The following PRICKLE2 variants were observed in gnomAD, a reference collection of about 807,000 sequenced individuals.
PRICKLE2 encodes prickle-like protein 2.
PRICKLE2 carries 21 observed loss-of-function variants against 81.4 expected under a neutral mutation model. The observed-to-expected ratio is 0.26, with a 90% CI of 0.18 to 0.37. The LOEUF (loss-of-function observed/expected upper bound fraction) is 0.37. PRICKLE2 is among the 10% of genes least tolerant of loss of function. The pLI is 1.00. For synonymous variants in PRICKLE2, 456 were observed against 421.5 expected, an observed-to-expected ratio of 1.08 and a Z score of -1.00; for missense variants, 940 against 1,109.0, an observed-to-expected ratio of 0.85 and a Z score of 2.16.
At chr3:64,210,189 C>T (rs1388754837) in intron 1 of PRICKLE2, among the ~76,000 whole-genome samples, 1 of 152,100 alleles carries the variant, frequency 6.6e-6, no homozygotes, top group Non-Finnish European at 1.5e-5. Flanking sequence ...TAACCCGTTT[C>T]TCCTTGGAAT....
chr3:64,189,185 A>G (rs1426296092), intron 2 of PRICKLE2, among the ~76,000 whole-genome samples: 1 of 152,242 alleles, frequency 6.6e-6, no homozygotes, highest in Admixed American at 6.5e-5. Flanking sequence ...AAGTACAGTA[A>G]AGCCAGGGTA....
intron 7 of PRICKLE2, chr3:64,141,744 G>GT (rs2077365834): frequency 1.1e-6 from 1 of 948,770 alleles, no homozygotes; most frequent in Non-Finnish European, 1.3e-6. Flanking sequence ...GCAGCTATCT[G>GT]TTTTTTCAGA....
At chr3:64,251,442 G>T (rs1220343772) in intron 2 of PRICKLE2, among the ~76,000 whole-genome samples, 1 of 152,180 alleles carries the variant, frequency 6.6e-6, no homozygotes, top group Non-Finnish European at 1.5e-5. Flanking sequence ...AGTGGGACAG[G>T]GGGGCAAGAA....
chr3:64,198,408 T>C (rs530357749), intron 2 of PRICKLE2, among the ~76,000 whole-genome samples: 32 of 152,060 alleles, frequency 2.1e-4, no homozygotes, highest in African/African-American at 7.7e-4. Context: ...ACAGGAAACA[T>C]CATGAAAATA....
intron 2 of PRICKLE2, among the ~76,000 whole-genome samples, chr3:64,255,030 T>A (rs1575719701): frequency 6.6e-6 from 1 of 152,228 alleles, no homozygotes; most frequent in African/African-American, 2.4e-5. Context: ...CATGCCCATA[T>A]GTATGTAGAA....
At chr3:64,174,002 C>T (rs1354256750) in intron 2 of PRICKLE2, among the ~76,000 whole-genome samples, 6 of 152,120 alleles carry the variant, frequency 3.9e-5, no homozygotes, top group East Asian at 1.9e-4. Context: ...GTGAGTTAAA[C>T]ATAGTGTAGT....
intron 2 of PRICKLE2, 65 bp from the exon 3 acceptor site, chr3:64,163,194 C>T (rs997088604): frequency 1.1e-6 from 1 of 949,016 alleles, no homozygotes; most frequent in Non-Finnish European, 1.7e-6. Context: ...TTCCCACTTA[C>T]TGGGAAGATG....
intron 7 of PRICKLE2, among the ~76,000 whole-genome samples, chr3:64,118,262 T>C (rs148903502): frequency 6.6e-6 from 1 of 152,106 alleles, no homozygotes; most frequent in Non-Finnish European, 1.5e-5. Context: ...ACCTAGGCAA[T>C]ATCATTCAGG....
At chr3:64,232,699 G>A (rs1253095353) in intron 2 of PRICKLE2, among the ~76,000 whole-genome samples, 4 of 152,068 alleles carry the variant, frequency 2.6e-5, no homozygotes, top group African/African-American at 9.7e-5. Flanking sequence ...ATGACTCAAG[G>A]CGAGACCTTT....
At chr3:64,238,410 C>T (rs2079213428) in intron 2 of PRICKLE2, among the ~76,000 whole-genome samples, 1 of 150,708 alleles carries the variant, frequency 6.6e-6, no homozygotes, top group East Asian at 2.0e-4. Flanking sequence ...TCACTTGAAT[C>T]CGGGAGGTGG....
intron 2 of PRICKLE2, chr3:64,163,377 A>G: frequency 1.8e-6 from 1 of 544,758 alleles, no homozygotes; most frequent in Non-Finnish European, 3.3e-6. Context: ...AAGCTAGTAA[A>G]TTTTCCTAGA....
chr3:64,225,004 A>AC lies in PRICKLE2; in HGVS notation c.-136dup. 1.0e-6 allele frequency: 1 copy of AC among 985,352 alleles called. No individual in the cohort carries two copies. The highest frequency in any genetic ancestry group is 1.7e-5 in the African/African-American group (1 of 57,268). The allele number at this position is 985,352 out of a possible 1,614,324, so 61.0% of individuals were successfully genotyped here. ...CCAGTTCACTTTCTCCCTGGATCTG[A>AC]CTTCTAAGAACGCAAGCAGGACCTC... On this transcript the variant is annotated 5_prime_UTR_variant, in exon 1 of 8. The change abolishes the stop of an existing upstream ORF in the 5' untranslated region. Transcript: ENST00000638394.
At chr3:64,208,746 T>C (rs1295566256) in intron 1 of PRICKLE2, among the ~76,000 whole-genome samples, 1 of 152,242 alleles carries the variant, frequency 6.6e-6, no homozygotes, top group East Asian at 1.9e-4. Context: ...TTGGCATTTT[T>C]ATCCATTTCA....
At chr3:64,259,404 C>T (rs932486668) in intron 2 of PRICKLE2, among the ~76,000 whole-genome samples, 5 of 152,128 alleles carry the variant, frequency 3.3e-5, no homozygotes, top group African/African-American at 9.7e-5. Flanking sequence ...GGAAATAGGC[C>T]TGACTCCTGG....
intron 2 of PRICKLE2, among the ~76,000 whole-genome samples, chr3:64,254,691 A>T (rs942742678): frequency 2.0e-5 from 3 of 152,198 alleles, no homozygotes; most frequent in African/African-American, 7.2e-5. Flanking sequence ...AGCTTTCTTG[A>T]TCCCTCCTCT....
At chr3:64,258,446 G>A (rs1310193113) in intron 2 of PRICKLE2, among the ~76,000 whole-genome samples, 1 of 152,184 alleles carries the variant, frequency 6.6e-6, no homozygotes, top group African/African-American at 2.4e-5. Context: ...AGAATGTTGA[G>A]TGAAGGCAGC....
At chr3:64,100,176 C>T (rs1223100822) in intron 7 of PRICKLE2, 3 of 538,144 alleles carry the variant, frequency 5.6e-6, no homozygotes, top group Non-Finnish European at 3.3e-6. Flanking sequence ...CTAGTTCCTC[C>T]AAAGGCTCAT....
rs1277522148 is a variant in PRICKLE2, at chr3:64,099,899, G to C, written c.1687C>G (p.Arg563Gly). The change falls in exon 8 of 8, where the codon CGC becomes GGC. Residue 563 changes from arginine to glycine, a missense_variant. This residue lies in a region of PRICKLE2 where 670 missense variants were observed against 717.2 expected (regional missense o/e 0.93). Transcript: ENST00000638394. The surrounding 1 kb of genome is among the most constrained non-coding windows in gnomAD (Gnocchi z 4.3). ...GAAAATCGGGATAGGTGCTCCTGGC[G>C]CTTGGCACCACCATCAGCAGAGAGG... ...TGLSADGGAK[R>G]QEHLSRFSMP... 1 of 1,614,170 alleles carries C rather than the reference G, an allele frequency of 6.2e-7. No individual in the cohort carries two copies.
chr3:64,175,375 C>A (rs905759256), intron 2 of PRICKLE2, among the ~76,000 whole-genome samples: 1 of 152,082 alleles, frequency 6.6e-6, no homozygotes, highest in African/African-American at 2.4e-5. Flanking sequence ...ATCTTGATGG[C>A]TAGCTAGTTA....
Sources: allele counts gnomAD v4.1 joint callset (sites outside exome capture counted in the v4.1 genomes callset), GRCh38; gene constraint gnomAD v4.1.1; regional missense constraint gnomAD v4.1.1; non-coding constraint Gnocchi (gnomAD v3.1); transcripts MANE v1.5; gene names NCBI Gene and HGNC (gene_info 2026-07-23, HGNC 2026-07-21).